VIT: variants seen among roughly 807,000 people sequenced by gnomAD.
VIT encodes the protein vitrin.
VIT carries 99 observed loss-of-function variants against 78.0 expected under a neutral mutation model. That is an observed-to-expected ratio of 1.27 (90% CI 1.08 to 1.50). The LOEUF is 1.50. Ranked by LOEUF, VIT falls within the 40% of genes most tolerant of loss-of-function variation. VIT has a pLI of 0.00. For synonymous variants in VIT, 374 were observed against 334.3 expected (o/e 1.12, Z -1.29); for missense variants, 1,126 against 875.3 (o/e 1.29, Z -3.61).
intron 1 of VIT, among the ~76,000 whole-genome samples, chr2:36,705,507 G>C (rs776267245): frequency 3.9e-5 from 6 of 152,090 alleles, no homozygotes; most frequent in Non-Finnish European, 2.9e-5. Flanking sequence ...ACCAAAAAAG[G>C]CTTTCCCTTT....
chr2:36,760,658 A>T (rs1303753352), intron 6 of VIT, among the ~76,000 whole-genome samples: 1 of 152,180 alleles, frequency 6.6e-6, no homozygotes, highest in Non-Finnish European at 1.5e-5. Context: ...GCCAGAGGAA[A>T]GACTGATTCC....
chr2:36,771,843 C>T (rs1328367825), intron 7 of VIT, among the ~76,000 whole-genome samples: 3 of 152,044 alleles, frequency 2.0e-5, no homozygotes, highest in Admixed American at 1.3e-4. Flanking sequence ...GAAATATGTG[C>T]GCTTAGTGCC....
Position 36,814,631 on chromosome 2 carries a change from A to G in VIT, c.*270A>G, listed in dbSNP as rs1667435276. 7.1e-6 allele frequency: 3 copies of G among 419,964 alleles called. No homozygotes were observed. The highest frequency in any genetic ancestry group is 4.1e-5 in the East Asian group (1 of 24,272). 26.0% of individuals were successfully genotyped at this position (419,964 alleles called of 1,614,324 possible). ...ATTTTGACAATTGTTTTCAAAATAA[A>G]TGTTCGGAATACAGTGCAGCCCTTA... On this transcript the variant is annotated 3_prime_UTR_variant, in exon 16 of 16. Coordinates refer to ENST00000379242, the MANE Select transcript of VIT (RefSeq NM_053276.4).
At chr2:36,750,121 A>G (rs775361813) in intron 4 of VIT, among the ~76,000 whole-genome samples, 9 of 152,238 alleles carry the variant, frequency 5.9e-5, no homozygotes, top group Non-Finnish European at 1.2e-4. Context: ...ATAACTCCAG[A>G]CTACGGAATA....
At chr2:36,726,833 A>AG (rs966430595) in intron 2 of VIT, among the ~76,000 whole-genome samples, 1 of 147,796 alleles carries the variant, frequency 6.8e-6, no homozygotes, top group Non-Finnish European at 1.5e-5. Flanking sequence ...AAAAAAAAAA[A>AG]AAAAAAAAAA....
At chr2:36,716,324 T>C (rs754801406) in intron 1 of VIT, 29 bp from the exon 2 acceptor site, 2 of 1,595,942 alleles carry the variant, frequency 1.3e-6, no homozygotes, top group African/African-American at 2.7e-5. Flanking sequence ...GGCTGAAATA[T>C]GATGACGTTA....
At chr2:36,788,007 C>T (rs561474632) in intron 12 of VIT, 1 of 311,556 alleles carries the variant, frequency 3.2e-6, no homozygotes, top group African/African-American at 2.2e-5. Flanking sequence ...ATAGGTTTCT[C>T]ACTGAAACAG....
intron 13 of VIT, among the ~76,000 whole-genome samples, chr2:36,803,499 C>G (rs1216558352): frequency 1.3e-5 from 2 of 152,190 alleles, no homozygotes; most frequent in Non-Finnish European, 2.9e-5. Context: ...GTCTTGTGCT[C>G]TGCCCTATAG....
chr2:36,812,183 G>C (rs1667220403), intron 15 of VIT, among the ~76,000 whole-genome samples: 1 of 152,114 alleles, frequency 6.6e-6, no homozygotes, highest in South Asian at 2.1e-4. Flanking sequence ...GGAGAAAGGG[G>C]ACTGGCAGCT....
intron 4 of VIT, among the ~76,000 whole-genome samples, chr2:36,754,078 T>G (rs1184998773): frequency 6.6e-6 from 1 of 152,204 alleles, no homozygotes. Context: ...AGCAATTAAG[T>G]GCTTTACATG....
At chr2:36,813,399 A>T (rs1441594905) in intron 15 of VIT, among the ~76,000 whole-genome samples, 1 of 152,142 alleles carries the variant, frequency 6.6e-6, no homozygotes, top group Non-Finnish European at 1.5e-5. Context: ...CAGTGAGTGG[A>T]GGTCACACCA....
chr2:36,781,775 A>G lies in VIT; in HGVS notation c.847+4A>G, dbSNP rs1446634592. 12 of 1,614,064 alleles carry G rather than the reference A, an allele frequency of 7.4e-6. No homozygotes were observed. Among genetic ancestry groups the G allele is most frequent in the Non-Finnish European group, 7.6e-6 (9 of 1,180,030 alleles). ...GGATCGGTCCTTTTAGATGAAGGTA[A>G]TTATACAGCCCAACCTCTCAGCCAC... is the stretch of plus-strand genomic sequence containing the variant. On this transcript the variant is annotated splice_donor_region_variant and intron_variant, in intron 10 of 15. Coordinates refer to ENST00000379242, the MANE Select transcript of VIT (RefSeq NM_053276.4).
chr2:36,803,549 G>T (rs1666482688), intron 13 of VIT, among the ~76,000 whole-genome samples: 1 of 152,168 alleles, frequency 6.6e-6, no homozygotes, highest in Non-Finnish European at 1.5e-5. Flanking sequence ...CGGGTGCTTT[G>T]TGCTTTGGGA....
intron 4 of VIT, among the ~76,000 whole-genome samples, chr2:36,745,794 A>G (rs974686041): frequency 2.0e-5 from 3 of 152,118 alleles, no homozygotes; most frequent in Non-Finnish European, 2.9e-5. Context: ...AATTCCTTTA[A>G]TGTATTTCTC....
At chr2:36,787,384 C>A in intron 12 of VIT, 108 bp downstream of exon 12, 1 of 1,397,964 alleles carries the variant, frequency 7.2e-7, no homozygotes, top group Non-Finnish European at 9.6e-7. Context: ...TGTCCTTGAG[C>A]ACAGATTTGT....
At chr2:36,756,461 A>G (rs1668771983) in intron 5 of VIT, among the ~76,000 whole-genome samples, 2 of 152,132 alleles carry the variant, frequency 1.3e-5, no homozygotes, top group Non-Finnish European at 2.9e-5. Flanking sequence ...GTTTCATAAA[A>G]CAGTAGGTCT....
At position 36,751,182 on chromosome 2, in the gene VIT, G is replaced by T. The variant is rs551644171; in HGVS notation, c.276-3739G>T. On this transcript the variant is annotated intron_variant, in intron 4 of 15. Coordinates refer to ENST00000379242, the MANE Select transcript of VIT (RefSeq NM_053276.4). ...AGGCCAAGGCGGGCAGATCACCTGA[G>T]GTCAGGAGTTCAAGACCAGCCTGGC... is the stretch of plus-strand genomic sequence containing the variant. Among the ~76,000 whole-genome samples, 329 of 152,302 alleles carry T rather than the reference G, an allele frequency of 2.2e-3. 1 individual carries two copies. Among genetic ancestry groups the T allele is most frequent in the African/African-American group, 7.6e-3 (316 of 41,562 alleles).
intron 5 of VIT, among the ~76,000 whole-genome samples, chr2:36,756,631 G>A (rs754198018): frequency 6.6e-6 from 1 of 152,078 alleles, no homozygotes; most frequent in African/African-American, 2.4e-5. Flanking sequence ...AATTCTACAC[G>A]CCCACAGTTC....
chr2:36,741,955 C>T (rs1236063670), intron 3 of VIT, among the ~76,000 whole-genome samples: 4 of 152,208 alleles, frequency 2.6e-5, no homozygotes, highest in African/African-American at 9.6e-5. Context: ...GTGAAGATAA[C>T]TATCATTGCC....
Sources: gnomAD v4.1 joint callset for allele counts (sites outside exome capture counted in the v4.1 genomes callset) on GRCh38, gnomAD v4.1.1 for gene constraint, MANE v1.5 for transcripts, NCBI Gene and HGNC (gene_info 2026-07-23, HGNC 2026-07-21) for gene names.